RALYL: variants seen among roughly 807,000 people sequenced by gnomAD.
RALYL encodes the protein RNA-binding Raly-like protein.
A neutral mutation model predicts 35.1 loss-of-function variants in RALYL; 29 were observed. The ratio of observed to expected loss-of-function variants is 0.83; its 90% CI spans 0.61 to 1.13. RALYL has a LOEUF of 1.13. RALYL is among the 50% of genes most tolerant of loss of function. RALYL has a pLI of 0.00. For synonymous variants in RALYL, 120 were observed against 127.6 expected (o/e 0.94, Z 0.40); for missense variants, 359 against 360.4 (o/e 1.00, Z 0.03).
intron 1 of RALYL, among the ~76,000 whole-genome samples, chr8:84,372,997 A>C (rs1856210186): frequency 6.9e-6 from 1 of 144,418 alleles, no homozygotes; most frequent in African/African-American, 2.6e-5. Context: ...CTGATCAGTT[A>C]TATTGAGCTT....
rs770925045 is a variant in RALYL, at chr8:84,643,085, A to T, written c.256+113508A>T. On this transcript the variant is annotated intron_variant, in intron 2 of 8. Coordinates refer to ENST00000521268, the MANE Select transcript of RALYL (RefSeq NM_173848.7). ...AGAGAGAGAGTAGGGCCCACACACA[A>T]AGGTCACACACTCACACATACAAAC... Among the ~76,000 whole-genome samples the T allele has an allele frequency of 4.6e-5, 7 of 151,868 alleles. No homozygotes were observed. In the South Asian group the frequency reaches 6.2e-4, roughly 13 times the overall value.
At chr8:84,238,276 A>G (rs1010791584) in intron 1 of RALYL, among the ~76,000 whole-genome samples, 8 of 152,112 alleles carry the variant, frequency 5.3e-5, no homozygotes, top group Non-Finnish European at 7.4e-5. Flanking sequence ...GATGTCCAGA[A>G]ATTGATCGTA....
chr8:84,587,919 A>G (rs1812354945), intron 2 of RALYL, among the ~76,000 whole-genome samples: 1 of 152,166 alleles, frequency 6.6e-6, no homozygotes, highest in Non-Finnish European at 1.5e-5. Context: ...ATAGAAGGCC[A>G]AAAATTCCAA....
At chr8:84,525,541 A>G (rs150496098) in intron 1 of RALYL, among the ~76,000 whole-genome samples, 1 of 151,902 alleles carries the variant, frequency 6.6e-6, no homozygotes, top group Non-Finnish European at 1.5e-5. Flanking sequence ...TCAAATTTGG[A>G]ATATTTTGGC....
In RALYL at chr8:84,689,825, C is replaced by A. The variant is rs1837644599; in HGVS notation, c.257-84754C>A. Among the ~76,000 whole-genome samples, 3 of 152,036 alleles carry A rather than the reference C, an allele frequency of 2.0e-5. No individual in the cohort carries two copies. The South Asian group carries it at 6.2e-4, about 32-fold the overall frequency. Reference sequence around the variant, plus strand: ...GTTTTGATTTGCATTTCTCTGATGGCCAGTGATGGTGAGGATTTTTTCATG... The same window carrying A: ...GTTTTGATTTGCATTTCTCTGATGGACAGTGATGGTGAGGATTTTTTCATG... On this transcript the variant is annotated intron_variant, in intron 2 of 8. Coordinates refer to ENST00000521268, the MANE Select transcript of RALYL (RefSeq NM_173848.7).
At chr8:84,527,022 T>G in intron 1 of RALYL, among the ~76,000 whole-genome samples, 1 of 152,232 alleles carries the variant, frequency 6.6e-6, no homozygotes, top group East Asian at 1.9e-4. Flanking sequence ...TAAAAGTTTA[T>G]GTAATAGAAA....
At chr8:84,564,262 A>G (rs1483908856) in intron 2 of RALYL, among the ~76,000 whole-genome samples, 1 of 151,748 alleles carries the variant, frequency 6.6e-6, no homozygotes, top group Non-Finnish European at 1.5e-5. Context: ...AGTCTTAGAA[A>G]GCAAAAAGTT....
intron 1 of RALYL, among the ~76,000 whole-genome samples, chr8:84,403,774 C>A (rs2043183135): frequency 6.6e-6 from 1 of 151,884 alleles, no homozygotes; most frequent in African/African-American, 2.4e-5. Flanking sequence ...TTACTTTTGG[C>A]AGTATGGCAT....
chr8:84,579,130 C>T (rs1041179206), intron 2 of RALYL, among the ~76,000 whole-genome samples: 1 of 152,128 alleles, frequency 6.6e-6, no homozygotes, highest in African/African-American at 2.4e-5. Context: ...CTCAGCCCCC[C>T]TAGGCCTCCC....
rs558703211 is a variant in RALYL at position 84,658,936 on chromosome 8, G to GAAAAC, written c.257-115623_257-115619dup. Among the ~76,000 whole-genome samples, 279 of 152,030 alleles carry GAAAAC rather than the reference G, an allele frequency of 1.8e-3. 2 individuals carry two copies. The highest frequency in any genetic ancestry group is 6.4e-3 in the African/African-American group (267 of 41,460). On this transcript the variant is annotated intron_variant, in intron 2 of 8. Coordinates refer to ENST00000521268, the MANE Select transcript of RALYL (RefSeq NM_173848.7). Reference sequence around the variant, plus strand: ...GTGAAAACACAAGGGCTCTCTAATAGAAAACAAAACAAAACAAAACAAAAA... The same window carrying GAAAAC: ...GTGAAAACACAAGGGCTCTCTAATAGAAAACAAAACAAAACAAAACAAAACAAAAA...
At position 84,458,234 on chromosome 8, in the gene RALYL, T is replaced by A. The variant is rs549187516; in HGVS notation, c.-23-71065T>A. ...GACAATTGATGGTTTGCTATTTAAA[T>A]AATATTACAAATGTCAAAGATGATA... On this transcript the variant is annotated intron_variant, in intron 1 of 8. Transcript: ENST00000521268. Among the ~76,000 whole-genome samples, 34 of 151,962 alleles carry A rather than the reference T, an allele frequency of 2.2e-4. No homozygotes were observed. In the South Asian group the frequency reaches 2.5e-3, roughly 11 times the overall value.
At chr8:84,469,996 G>A (rs2052472455) in intron 1 of RALYL, among the ~76,000 whole-genome samples, 1 of 152,130 alleles carries the variant, frequency 6.6e-6, no homozygotes, top group African/African-American at 2.4e-5. Context: ...CCCTGCTTCG[G>A]CTCGCGCACG....
At chr8:84,860,813 C>T (rs1018000675) in intron 5 of RALYL, among the ~76,000 whole-genome samples, 2 of 152,116 alleles carry the variant, frequency 1.3e-5, no homozygotes, top group Admixed American at 6.5e-5. Flanking sequence ...TTTTCGAATA[C>T]CCTAAGTCTC....
Position 84,382,857 on chromosome 8 carries a change from C to T in RALYL, c.-23-146442C>T, listed in dbSNP as rs758476199. Among the ~76,000 whole-genome samples the T allele has an allele frequency of 3.9e-4, 59 of 151,642 alleles. 1 individual carries two copies. Among genetic ancestry groups the T allele is most frequent in the Non-Finnish European group, 1.0e-4 (7 of 67,774 alleles). ...TTGTGAGCTTCTTTCGTAATAAAGA[C>T]TCGTCAAATTTTCTACGTTATTTAT... On this transcript the variant is annotated intron_variant, in intron 1 of 8. Transcript: ENST00000521268.
chr8:84,185,099 G>A, intron 1 of RALYL: 1 of 1,461,606 alleles, frequency 6.8e-7, no homozygotes, highest in South Asian at 1.1e-5. Flanking sequence ...TTTCCCTGTT[G>A]TGTTGCGTTG....
chr8:84,386,131 T>C (rs934457391), intron 1 of RALYL, among the ~76,000 whole-genome samples: 3 of 151,764 alleles, frequency 2.0e-5, no homozygotes, highest in Non-Finnish European at 4.4e-5. Flanking sequence ...ATAGAGGAAA[T>C]AGACTACATT....
intron 1 of RALYL, among the ~76,000 whole-genome samples, chr8:84,337,486 TA>T (rs562119021): frequency 5.9e-5 from 9 of 152,100 alleles, no homozygotes; most frequent in Non-Finnish European, 1.2e-4. Flanking sequence ...TTGTGGTGGA[TA>T]ATGGATTTGT....
chr8:84,445,449 C>T lies in RALYL; in HGVS notation c.-23-83850C>T, dbSNP rs149867776. 4.2e-3 allele frequency among the ~76,000 whole-genome samples: 632 copies of T among 151,756 alleles called. 5 individuals carry two copies. The highest frequency in any genetic ancestry group is 0.01 in the African/African-American group (431 of 41,478). ...GAAGACAACTCGTCTCTTTTTTCAT[C>T]GCACACTGCCAGAACAATATATTTT... is the stretch of plus-strand genomic sequence containing the variant. On this transcript the variant is annotated intron_variant, in intron 1 of 8. Coordinates refer to ENST00000521268, the MANE Select transcript of RALYL (RefSeq NM_173848.7).
intron 2 of RALYL, among the ~76,000 whole-genome samples, chr8:84,689,822 T>C (rs1837643581): frequency 6.6e-6 from 1 of 152,174 alleles, no homozygotes; most frequent in African/African-American, 2.4e-5. Flanking sequence ...ATTTCTCTGA[T>C]GGCCAGTGAT....
Sources: allele counts gnomAD v4.1 joint callset (sites outside exome capture counted in the v4.1 genomes callset), GRCh38; gene constraint gnomAD v4.1.1; transcripts MANE v1.5; gene names NCBI Gene and HGNC (gene_info 2026-07-23, HGNC 2026-07-21).